The following PTPN2 variants were observed in gnomAD, a reference collection of about 807,000 sequenced individuals.
PTPN2 encodes the protein tyrosine-protein phosphatase non-receptor type 2.
A neutral mutation model predicts 57.3 loss-of-function variants in PTPN2; 19 were observed. That is an observed-to-expected ratio of 0.33 (90% CI 0.23 to 0.49). The LOEUF (loss-of-function observed/expected upper bound fraction) is 0.49. Ranked by LOEUF, PTPN2 falls within the 20% of genes least tolerant of loss-of-function variation. The pLI, the probability that PTPN2 is intolerant of heterozygous loss-of-function variation, is 0.99. For missense variants in PTPN2, 358 were observed against 501.1 expected, an observed-to-expected ratio of 0.71 and a Z score of 2.73; for synonymous variants, 153 against 164.9, an observed-to-expected ratio of 0.93 and a Z score of 0.55.
intron 1 of PTPN2, among the ~76,000 whole-genome samples, chr18:12,876,315 A>AAGAAAT (rs1555681239): frequency 6.6e-6 from 1 of 150,982 alleles, no homozygotes; most frequent in African/African-American, 2.5e-5. Flanking sequence ...GAAGAAGAAG[A>AAGAAAT]AATTTGTCAG....
rs1486161947 is a variant in PTPN2, at chr18:12,870,452, T to TAG, written c.70-11199_70-11198insCT. 2.4e-3 allele frequency among the ~76,000 whole-genome samples: 100 copies of TAG among 41,196 alleles called. 2 individuals are homozygous for TAG. The highest frequency in any genetic ancestry group is 0.01 in the Middle Eastern group (1 of 100). 27.0% of individuals were successfully genotyped at this position (41,196 alleles called of 152,430 possible). A position where few individuals can be genotyped will look rare whatever the true frequency, so the allele number is the denominator to read the frequency against. On this transcript the variant is annotated intron_variant, in intron 1 of 8. Transcript: ENST00000309660. Reference sequence around the variant, plus strand: ...GTATATATATATGTGTATATATATATATATATATATAGAGAGAGAGAGAGA... The same window carrying TAG: ...GTATATATATATGTGTATATATATATAGATATATATATAGAGAGAGAGAGAGA...
Position 12,814,503 on chromosome 18 carries a change from A to C in PTPN2, c.706-148T>G, listed in dbSNP as rs947400057. On this transcript the variant is annotated intron_variant, in intron 6 of 8. Transcript: ENST00000309660. The stretch of plus-strand genomic sequence containing the variant: ...AACCCTCCAGCTATAACTGTTATGT[A>C]CACAACAACTATCCCAGCCTACTCA... The C allele has an allele frequency of 1.9e-5, 12 of 647,796 alleles. No homozygotes were observed. In the Admixed American group the frequency reaches 3.4e-4, roughly 18 times the overall value. 40.1% of individuals were successfully genotyped at this position (647,796 alleles called of 1,614,324 possible).
intron 4 of PTPN2, among the ~76,000 whole-genome samples, chr18:12,828,695 C>G (rs1004716468): frequency 6.6e-6 from 1 of 152,152 alleles, no homozygotes; most frequent in Non-Finnish European, 1.5e-5. Flanking sequence ...TTAACATATG[C>G]ATATTGTTCC....
chr18:12,800,569 T>C (rs571919407), intron 8 of PTPN2, among the ~76,000 whole-genome samples: 3 of 152,146 alleles, frequency 2.0e-5, no homozygotes, highest in African/African-American at 7.2e-5. Context: ...TCTTCCACTA[T>C]AATATATAAT....
In PTPN2 at chr18:12,870,760, C is replaced by T. The variant is rs182954038; in HGVS notation, c.70-11506G>A. 4.4e-4 allele frequency among the ~76,000 whole-genome samples: 67 copies of T among 151,756 alleles called. 1 individual carries two copies. The South Asian group carries it at 0.013, about 30-fold the overall frequency. On this transcript the variant is annotated intron_variant, in intron 1 of 8. Transcript: ENST00000309660. ...TCCTGACCTCATGATCCGCCCACCT[C>T]GGCCTCCCAAAGTGCTGAGATTACA...
At chr18:12,814,076 G>T in intron 7 of PTPN2, 127 bp downstream of exon 7, 1 of 760,070 alleles carries the variant, frequency 1.3e-6, no homozygotes, top group Non-Finnish European at 2.0e-6. Context: ...AAGACAGCCA[G>T]CTGGATTTAC....
At chr18:12,847,035 AT>A (rs920874555) in intron 2 of PTPN2, among the ~76,000 whole-genome samples, 1 of 98,374 alleles carries the variant, frequency 1.0e-5, no homozygotes, top group African/African-American at 3.7e-5. Flanking sequence ...TATGTACAAG[AT>A]TTTTGTCAGT....
At chr18:12,819,146 C>T (rs765228165) in intron 5 of PTPN2, 1 of 642,632 alleles carries the variant, frequency 1.6e-6, no homozygotes, top group Non-Finnish European at 2.4e-6. Flanking sequence ...CTTCTATGTC[C>T]CAGACTCAGT....
chr18:12,811,456 C>T (rs188163520), intron 7 of PTPN2, among the ~76,000 whole-genome samples: 7 of 151,998 alleles, frequency 4.6e-5, no homozygotes, highest in Admixed American at 2.6e-4. Flanking sequence ...ATTCAGAATA[C>T]GTCAACAAGG....
At chr18:12,853,590 G>T (rs1256018550) in intron 2 of PTPN2, among the ~76,000 whole-genome samples, 1 of 152,198 alleles carries the variant, frequency 6.6e-6, no homozygotes, top group African/African-American at 2.4e-5. Context: ...CCACTCACGG[G>T]AAAGAGGTTG....
At chr18:12,843,035 G>T (rs2043096339) in intron 2 of PTPN2, among the ~76,000 whole-genome samples, 1 of 152,196 alleles carries the variant, frequency 6.6e-6, no homozygotes, top group Admixed American at 6.5e-5. Context: ...TCTTAGTACA[G>T]GTACCTGGAA....
intron 1 of PTPN2, among the ~76,000 whole-genome samples, chr18:12,876,420 C>G (rs990850738): frequency 6.6e-6 from 1 of 151,802 alleles, no homozygotes; most frequent in Non-Finnish European, 1.5e-5. Context: ...GACCTACGAT[C>G]GTGCCACTGC....
chr18:12,787,295 T>A (rs1287539341), downstream of PTPN2: 1 of 152,186 alleles, frequency 6.6e-6, no homozygotes. Flanking sequence ...AGTATGAGGT[T>A]TGGAGTTACT....
At chr18:12,798,093 T>A (rs2041261997) in intron 8 of PTPN2, among the ~76,000 whole-genome samples, 1 of 152,182 alleles carries the variant, frequency 6.6e-6, no homozygotes, top group South Asian at 2.1e-4. Flanking sequence ...GAACTGTAAT[T>A]GAGAATACTG....
At position 12,872,008 on chromosome 18, in the gene PTPN2, G is replaced by A. The variant is rs568402821; in HGVS notation, c.69+12065C>T. Among the ~76,000 whole-genome samples the A allele has an allele frequency of 7.3e-5, 11 of 151,080 alleles. No homozygotes were observed. In the South Asian group the frequency reaches 1.9e-3, roughly 26 times the overall value. On this transcript the variant is annotated intron_variant, in intron 1 of 8. Transcript: ENST00000309660. The stretch of plus-strand genomic sequence containing the variant: ...GGTTGCAGTAAGCCGAGATCGTGCC[G>A]TAGCATTCCAGCCTGGGGCCACAGA...
intron 5 of PTPN2, among the ~76,000 whole-genome samples, chr18:12,824,449 C>T (rs1231915681): frequency 6.6e-6 from 1 of 152,154 alleles, no homozygotes; most frequent in Non-Finnish European, 1.5e-5. Flanking sequence ...ATATATCTCC[C>T]TTCTCTTTAA....
At chr18:12,798,168 A>T (rs2041264419) in intron 8 of PTPN2, among the ~76,000 whole-genome samples, 1 of 152,308 alleles carries the variant, frequency 6.6e-6, no homozygotes, top group South Asian at 2.1e-4. Context: ...CCTCACACAC[A>T]CACTTACATA....
intron 2 of PTPN2, among the ~76,000 whole-genome samples, chr18:12,840,333 A>G (rs1193405413): frequency 6.6e-6 from 1 of 152,262 alleles, no homozygotes; most frequent in Non-Finnish European, 1.5e-5. Context: ...AAATCGAGCA[A>G]TGAACCAAAA....
chr18:12,882,551 G>A (rs924813385), intron 1 of PTPN2, among the ~76,000 whole-genome samples: 1 of 148,434 alleles, frequency 6.7e-6, no homozygotes, highest in African/African-American at 2.4e-5. Context: ...CTATCCCTTA[G>A]AGAGACAGCA....
Sources: allele counts gnomAD v4.1 joint callset (sites outside exome capture counted in the v4.1 genomes callset), GRCh38; gene constraint gnomAD v4.1.1; transcripts MANE v1.5; gene names NCBI Gene and HGNC (gene_info 2026-07-23, HGNC 2026-07-21).